VCAN: variants seen among roughly 807,000 people sequenced by gnomAD.
VCAN encodes versican core protein.
VCAN carries 44 observed loss-of-function variants against 245.5 expected under a neutral mutation model. The ratio of observed to expected loss-of-function variants is 0.18; its 90% confidence interval spans 0.14 to 0.23. The LOEUF is 0.23. VCAN is among the 10% of genes least tolerant of loss of function. The pLI is 1.00. For missense variants in VCAN, 3,793 were observed against 4,057.9 expected (o/e 0.93, Z 1.77); for synonymous variants, 1,413 against 1,437.0 (o/e 0.98, Z 0.38).
chr5:83,493,761 G>A, intron 4 of VCAN, 41 bp downstream of exon 4: 1 of 1,614,142 alleles, frequency 6.2e-7, no homozygotes, highest in African/African-American at 1.3e-5. Flanking sequence ...ATTAACTTGA[G>A]AGTGAGAAGA....
intron 5 of VCAN, among the ~76,000 whole-genome samples, chr5:83,511,755 A>G (rs1745667327): frequency 1.3e-5 from 2 of 152,110 alleles, no homozygotes; most frequent in African/African-American, 2.4e-5. Flanking sequence ...TTTTTCCTTA[A>G]AAAAACAAAA....
chr5:83,477,916 C>T (rs1158977736), intron 1 of VCAN, among the ~76,000 whole-genome samples: 1 of 149,952 alleles, frequency 6.7e-6, no homozygotes, highest in Admixed American at 6.6e-5. Flanking sequence ...ATTTTTTCAC[C>T]AATCAGAGGA....
chr5:83,474,673 G>T (rs956675455), intron 1 of VCAN, among the ~76,000 whole-genome samples: 5 of 152,134 alleles, frequency 3.3e-5, no homozygotes, highest in African/African-American at 1.2e-4. Context: ...CAGGCGGCCG[G>T]CGCAGCCGAG....
In VCAN at chr5:83,538,136, T is replaced by C. The variant is rs181844107; in HGVS notation, c.5133T>C (p.Thr1711=). The part of the protein sequence containing the change: ...VPTKFVSETD[T]SEWISSTTVE... Reference sequence around the variant, plus strand: ...CCAAGTTTGTAAGTGAAACAGACACTTCTGAGTGGATTTCCAGTACCACTG... The same window carrying C: ...CCAAGTTTGTAAGTGAAACAGACACCTCTGAGTGGATTTCCAGTACCACTG... Residue 1711 remains threonine (T), a synonymous_variant, in exon 8 of 15, where the codon ACT becomes ACC. Transcript: ENST00000265077. The C allele has an allele frequency of 8.1e-6, 13 of 1,613,958 alleles. No homozygotes were observed. The highest frequency in any genetic ancestry group is 3.3e-5 in the Admixed American group (2 of 59,974).
rs779437586 is a variant in VCAN, at chr5:83,537,746, A to T, written c.4743A>T (p.Thr1581=). 1 of 1,614,028 alleles carries T rather than the reference A, an allele frequency of 6.2e-7. No individual in the cohort carries two copies. Among genetic ancestry groups the T allele is most frequent in the South Asian group, 1.1e-5 (1 of 91,086 alleles). Residue 1581 remains threonine, a synonymous_variant, in exon 8 of 15, where the codon ACA becomes ACT. Transcript: ENST00000265077. ...AGGTAGAAAAAAGTACTTCTGTCACATACACTCCCACTATAGTTCCAAGTT... is the reference window on the plus strand; with the variant it reads ...AGGTAGAAAAAAGTACTTCTGTCACTTACACTCCCACTATAGTTCCAAGTT... The part of the protein sequence containing the change: ...GEEVEKSTSV[T]YTPTIVPSSA...
Position 83,520,138 on chromosome 5 carries a change from T to A in VCAN, c.1832T>A (p.Met611Lys). The A allele has an allele frequency of 6.2e-7, 1 of 1,614,044 alleles. No homozygotes were observed. Among genetic ancestry groups the A allele is most frequent in the Non-Finnish European group, 8.5e-7 (1 of 1,179,972 alleles). ...SASTTVSPLI[M>K]PDNNGSSMDD... is the part of the protein sequence containing the mutation. Reference sequence around the variant, plus strand: ...TCCACAACTGTTTCCCCTTTAATTATGCCTGATAATAATGGATCATCCATG... The same window carrying A: ...TCCACAACTGTTTCCCCTTTAATTAAGCCTGATAATAATGGATCATCCATG... The change falls in exon 7 of 15, where the codon ATG becomes AAG. Residue 611 changes from methionine to lysine, a missense_variant. Physicochemically the swap from Met to Lys is moderately conservative, Grantham distance 95. Around this residue, in one of 5 missense-constraint regions of VCAN, gnomAD observed 3,182 missense variants for 3,250.3 expected, o/e 0.98. Coordinates refer to ENST00000265077, the MANE Select transcript of VCAN (RefSeq NM_004385.5).
intron 13 of VCAN, among the ~76,000 whole-genome samples, chr5:83,575,151 GA>G (rs1748426150): frequency 6.6e-6 from 1 of 152,006 alleles, no homozygotes; most frequent in South Asian, 2.1e-4. Context: ...AATATTTTAG[GA>G]AAGATTTAAA....
At chr5:83,518,701 T>C (rs1026830535) in intron 6 of VCAN, among the ~76,000 whole-genome samples, 13 of 152,222 alleles carry the variant, frequency 8.5e-5, no homozygotes, top group African/African-American at 2.9e-4. Flanking sequence ...TGAAGACAAA[T>C]GTCCAACACC....
chr5:83,501,597 A>G (rs1341694685), intron 5 of VCAN, among the ~76,000 whole-genome samples: 1 of 152,182 alleles, frequency 6.6e-6, no homozygotes, highest in African/African-American at 2.4e-5. Flanking sequence ...TCAATTGACC[A>G]TAGGTAGATG....
intron 7 of VCAN, chr5:83,536,571 G>GAAATAGAGCTATAGAAAAAGTA (rs1746714271): frequency 6.5e-6 from 1 of 154,266 alleles, no homozygotes; most frequent in Non-Finnish European, 1.4e-5. Context: ...ATCATATATA[G>GAAATAGAGCTATAGAAAAAGTA]AAATAGAGCT....
In VCAN at chr5:83,537,861, G is replaced by A; in HGVS notation, c.4858G>A (p.Val1620Ile). Residue 1620 changes from valine to isoleucine, a missense_variant, in exon 8 of 15, where the codon GTA becomes ATA. This residue lies in a region of VCAN where 3,182 missense variants were observed against 3,250.3 expected (regional missense o/e 0.98). Coordinates refer to ENST00000265077, the MANE Select transcript of VCAN (RefSeq NM_004385.5). ...DDLLSTKESWVEATPRQVVEL... is the reference protein window; with the variant it reads ...DDLLSTKESWIEATPRQVVEL... Reference sequence around the variant, plus strand: ...CCTGTTGTCTACCAAAGAAAGCTGGGTAGAAGCAACTCCTAGACAAGTTGT... The same window carrying A: ...CCTGTTGTCTACCAAAGAAAGCTGGATAGAAGCAACTCCTAGACAAGTTGT... The A allele has an allele frequency of 1.2e-6, 2 of 1,613,952 alleles. No homozygotes were observed. Among genetic ancestry groups the A allele is most frequent in the South Asian group, 2.2e-5 (2 of 91,086 alleles).
chr5:83,580,094 G>A lies in VCAN; in HGVS notation c.9995G>A (p.Arg3332His). 6.2e-7 allele frequency: 1 copy of A among 1,613,988 alleles called. No individual in the cohort carries two copies. The highest frequency in any genetic ancestry group is 8.5e-7 in the Non-Finnish European group (1 of 1,179,978). Residue 3332 changes from arginine (R) to histidine (H), a missense_variant, in exon 14 of 15, where the codon CGT becomes CAT. By Grantham distance (29) the Arg-to-His change is conservative (BLOSUM62 0). Transcript: ENST00000265077. ...CACTGCAAAGATGGTTTCATTCAAC[G>A]TCACCTTCCAACTATCCGGTGCTTA... ...RYHCKDGFIQ[R>H]HLPTIRCLGN...
At chr5:83,498,631 G>A (rs1051660349) in intron 5 of VCAN, among the ~76,000 whole-genome samples, 18 of 151,984 alleles carry the variant, frequency 1.2e-4, no homozygotes, top group Admixed American at 5.9e-4. Flanking sequence ...GGACATATGG[G>A]GCATGAAAGA....
chr5:83,524,086 T>C (rs1230104569), intron 7 of VCAN, among the ~76,000 whole-genome samples: 2 of 152,274 alleles, frequency 1.3e-5, no homozygotes, highest in Admixed American at 1.3e-4. Flanking sequence ...TTAAAAACTC[T>C]TCCAAGTGGG....
intron 7 of VCAN, among the ~76,000 whole-genome samples, chr5:83,524,492 T>C (rs1485262085): frequency 6.6e-6 from 1 of 151,868 alleles, no homozygotes; most frequent in Non-Finnish European, 1.5e-5. Flanking sequence ...TGTGGAATAA[T>C]TATGTATCTA....
chr5:83,486,997 C>T (rs1260192681), intron 2 of VCAN, among the ~76,000 whole-genome samples: 1 of 152,146 alleles, frequency 6.6e-6, no homozygotes, highest in East Asian at 1.9e-4. Flanking sequence ...TAAATGAACA[C>T]CTTGTCTATT....
At chr5:83,511,326 A>C (rs999010373) in intron 5 of VCAN, among the ~76,000 whole-genome samples, 7 of 151,960 alleles carry the variant, frequency 4.6e-5, no homozygotes, top group Non-Finnish European at 8.8e-5. Context: ...AAGAATTAGC[A>C]AAAAGTGCTC....
chr5:83,505,013 A>T (rs1042871403), intron 5 of VCAN, among the ~76,000 whole-genome samples: 1 of 152,114 alleles, frequency 6.6e-6, no homozygotes, highest in South Asian at 2.1e-4. Context: ...TGAGAATAGC[A>T]TGGGGAAGAC....
rs547224879 is a variant in VCAN, at chr5:83,542,093, A to G, written c.9090A>G (p.Glu3030=). Residue 3030 remains glutamate, a synonymous_variant, in exon 8 of 15, where the codon GAA becomes GAG. Coordinates refer to ENST00000265077, the MANE Select transcript of VCAN (RefSeq NM_004385.5). Reference sequence around the variant, plus strand: ...AGGATTCCACGATAGCAGCATCAGAACAGCAAGTGGCAGCGAGAATTCTTG... The same window carrying G: ...AGGATTCCACGATAGCAGCATCAGAGCAGCAAGTGGCAGCGAGAATTCTTG... ...RGQDSTIAAS[E]QQVAARILDS... 6.2e-7 allele frequency: 1 copy of G among 1,614,076 alleles called. No homozygotes were observed. The highest frequency in any genetic ancestry group is 1.1e-5 in the South Asian group (1 of 91,082).
Sources: gnomAD v4.1 joint callset for allele counts (sites outside exome capture counted in the v4.1 genomes callset) on GRCh38, gnomAD v4.1.1 for gene constraint, gnomAD v4.1.1 regional missense constraint, MANE v1.5 for transcripts, NCBI Gene and HGNC (gene_info 2026-07-23, HGNC 2026-07-21) for gene names.